Variants in TBX15 observed in about 807,000 individuals in gnomAD.
TBX15 encodes T-box transcription factor 15.
TBX15 carries 18 observed loss-of-function variants against 53.9 expected under a neutral mutation model. The ratio of observed to expected loss-of-function variants is 0.33; its 90% CI spans 0.23 to 0.49. TBX15 has a LOEUF of 0.49. Ranked by LOEUF, TBX15 falls within the 20% of genes least tolerant of loss-of-function variation. The probability of loss-of-function intolerance (pLI) is 0.98; values close to 1 mark genes in which losing one functional copy is unlikely to be tolerated. For missense variants in TBX15, 692 were observed against 749.5 expected (o/e 0.92, Z 0.90); for synonymous variants, 295 against 278.0 (o/e 1.06, Z -0.61).
chr1:118,898,940 G>A (rs1312736892), intron 7 of TBX15, 88 bp downstream of exon 7: 2 of 1,330,204 alleles, frequency 1.5e-6, no homozygotes, highest in Admixed American at 3.6e-5. Context: ...CCATATCTTG[G>A]CCTGAGGCCA....
Position 118,884,985 on chromosome 1 carries a change from C to A in TBX15, c.1556G>T (p.Gly519Val). ...CCTAGGGGAAGTGGGGAAATTGTATCCATACAGGTTGTAAGGGTTGTGAAG... is the reference window on the plus strand; with the variant it reads ...CCTAGGGGAAGTGGGGAAATTGTATACATACAGGTTGTAAGGGTTGTGAAG... The part of the protein sequence containing the change: ...FSLHNPYNLY[G>V]YNFPTSPRLA... Residue 519 changes from glycine (G) to valine (V), a missense_variant, in exon 8 of 8, where the codon GGA (glycine) becomes GTA (valine). By Grantham distance (109) the Gly-to-Val change is moderately radical (BLOSUM62 -3). Transcript: ENST00000369429. The A allele has an allele frequency of 6.2e-7, 1 of 1,614,074 alleles. No individual in the cohort carries two copies. The highest frequency in any genetic ancestry group is 8.5e-7 in the Non-Finnish European group (1 of 1,179,994).
rs900329601 is a variant in TBX15, at chr1:118,883,503, G to A, written c.*1229C>T. 2 of 152,226 alleles carry A rather than the reference G, an allele frequency of 1.3e-5. No homozygotes were observed. Among genetic ancestry groups the A allele is most frequent in the African/African-American group, 4.8e-5 (2 of 41,462 alleles). The allele number at this position is 152,226 out of a possible 1,614,324, so 9.4% of individuals were successfully genotyped here. A position where few individuals can be genotyped will look rare whatever the true frequency, so the allele number is the denominator to read the frequency against. On this transcript the variant is annotated 3_prime_UTR_variant, in exon 8 of 8. Transcript: ENST00000369429. ...ACATGAGGGGATATTTCCTGCCACAGGGATAGCGGGCAGGCATTCTAGGTC... is the reference window on the plus strand; with the variant it reads ...ACATGAGGGGATATTTCCTGCCACAAGGATAGCGGGCAGGCATTCTAGGTC...
At chr1:118,913,302 A>G (rs1655081539) in intron 6 of TBX15, among the ~76,000 whole-genome samples, 1 of 152,164 alleles carries the variant, frequency 6.6e-6, no homozygotes, top group Non-Finnish European at 1.5e-5. Context: ...GATGTGTCAC[A>G]TTTGTGGATT....
intron 6 of TBX15, among the ~76,000 whole-genome samples, chr1:118,908,911 A>G (rs917162497): frequency 5.8e-5 from 8 of 138,078 alleles, no homozygotes; most frequent in Non-Finnish European, 9.6e-5. Flanking sequence ...ACATACGCAC[A>G]CTCAACATTC....
chr1:118,974,092 A>C (rs1206635988), intron 1 of TBX15, among the ~76,000 whole-genome samples: 1 of 152,210 alleles, frequency 6.6e-6, no homozygotes, highest in Non-Finnish European at 1.5e-5. Flanking sequence ...AATGTGATAG[A>C]TCTGATGGAT....
At chr1:118,913,674 A>G (rs111454849) in intron 6 of TBX15, among the ~76,000 whole-genome samples, 3 of 152,310 alleles carry the variant, frequency 2.0e-5, no homozygotes, top group South Asian at 2.1e-4. Flanking sequence ...GGAGAAAAAC[A>G]GTTACATTTT....
intron 1 of TBX15, among the ~76,000 whole-genome samples, chr1:118,977,503 G>A (rs1657474858): frequency 6.6e-6 from 1 of 152,122 alleles, no homozygotes; most frequent in African/African-American, 2.4e-5. Flanking sequence ...TTATAGGGTA[G>A]TAGCGACAGA....
Position 118,926,664 on chromosome 1 carries a change from AG to A in TBX15, c.420-54del. On this transcript the variant is annotated intron_variant, in intron 2 of 7. Coordinates refer to ENST00000369429, the MANE Select transcript of TBX15 (RefSeq NM_001330677.2). ...CAGAAATCAGGGTGGGAGAAGTAGC[AG>A]GGGTAAAAGCTTAAACAATGTGGGT... is the stretch of plus-strand genomic sequence containing the variant. The A allele has an allele frequency of 2.0e-6, 3 of 1,467,374 alleles. No homozygotes were observed. In the South Asian group the frequency reaches 3.4e-5, roughly 17 times the overall value. 90.9% of individuals were successfully genotyped at this position (1,467,374 alleles called of 1,614,324 possible).
At chr1:118,888,715 G>T (rs550816776) in intron 7 of TBX15, among the ~76,000 whole-genome samples, 15 of 152,214 alleles carry the variant, frequency 9.9e-5, no homozygotes, top group Non-Finnish European at 1.5e-4. Context: ...TGTTTATGTG[G>T]TCCCTGAGGA....
intron 1 of TBX15, among the ~76,000 whole-genome samples, chr1:118,981,047 G>T (rs1475071197): frequency 6.6e-6 from 1 of 152,098 alleles, no homozygotes; most frequent in Non-Finnish European, 1.5e-5. Context: ...TGGCCAGGCT[G>T]GTCTTGAACT....
chr1:118,888,948 C>A (rs1441289493), intron 7 of TBX15, among the ~76,000 whole-genome samples: 3 of 151,414 alleles, frequency 2.0e-5, no homozygotes, highest in African/African-American at 4.9e-5. Flanking sequence ...GAACTATTAA[C>A]AAGTTACAGG....
chr1:118,952,671 G>A (rs1185047659), intron 1 of TBX15, among the ~76,000 whole-genome samples: 2 of 152,122 alleles, frequency 1.3e-5, no homozygotes, highest in Non-Finnish European at 2.9e-5. Context: ...GCCCAGACTA[G>A]GCACCTGCAT....
intron 6 of TBX15, among the ~76,000 whole-genome samples, chr1:118,912,819 T>C (rs1019240571): frequency 2.0e-5 from 3 of 152,210 alleles, no homozygotes; most frequent in African/African-American, 2.4e-5. Context: ...GCATTTGACA[T>C]GTAGTCCATA....
At chr1:118,967,862 A>G (rs1657103284) in intron 1 of TBX15, among the ~76,000 whole-genome samples, 1 of 152,216 alleles carries the variant, frequency 6.6e-6, no homozygotes. Context: ...TAAAATAACA[A>G]GCTGTATTTG....
chr1:118,916,102 AC>A (rs1209511455), intron 5 of TBX15, among the ~76,000 whole-genome samples: 1 of 152,214 alleles, frequency 6.6e-6, no homozygotes, highest in Non-Finnish European at 1.5e-5. Flanking sequence ...GACAAGCAAC[AC>A]AGGTGACAGA....
intron 1 of TBX15, among the ~76,000 whole-genome samples, chr1:118,951,631 G>T (rs1656515888): frequency 6.6e-6 from 1 of 151,642 alleles, no homozygotes; most frequent in Non-Finnish European, 1.5e-5. Flanking sequence ...TTTGCCTCAT[G>T]CCCTCAGTTG....
At chr1:118,893,363 AAG>A (rs1654241627) in intron 7 of TBX15, among the ~76,000 whole-genome samples, 1 of 59,762 alleles carries the variant, frequency 1.7e-5, no homozygotes, top group Non-Finnish European at 3.4e-5. Flanking sequence ...GAAGGAAAGA[AAG>A]AAAGAAAGAA....
chr1:118,954,658 G>T (rs1656618640), intron 1 of TBX15, among the ~76,000 whole-genome samples: 1 of 152,192 alleles, frequency 6.6e-6, no homozygotes, highest in African/African-American at 2.4e-5. Flanking sequence ...TAGCAAGGGA[G>T]CTCAACTGCT....
In TBX15 at chr1:118,884,533, G is replaced by A. The variant is rs759238161; in HGVS notation, c.*199C>T. Reference sequence around the variant, plus strand: ...GGCAGAAGAATGGCCACTGAGTTGCGGATGATTCTATCGCAAGTATCCTTC... The same window carrying A: ...GGCAGAAGAATGGCCACTGAGTTGCAGATGATTCTATCGCAAGTATCCTTC... On this transcript the variant is annotated 3_prime_UTR_variant, in exon 8 of 8. Transcript: ENST00000369429. The A allele has an allele frequency of 5.5e-5, 36 of 653,880 alleles. No homozygotes were observed. Among genetic ancestry groups the A allele is most frequent in the African/African-American group, 9.2e-5 (5 of 54,562 alleles). 40.5% of individuals were successfully genotyped at this position (653,880 alleles called of 1,614,324 possible).
Sources: gnomAD v4.1 joint callset for allele counts (sites outside exome capture counted in the v4.1 genomes callset) on GRCh38, gnomAD v4.1.1 for gene constraint, MANE v1.5 for transcripts, NCBI Gene and HGNC (gene_info 2026-07-23, HGNC 2026-07-21) for gene names.